Variants in ARMCX4 observed in about 807,000 individuals in gnomAD.
ARMCX4 encodes armadillo repeat-containing X-linked protein 4.
In ARMCX4, 3 loss-of-function variants were observed where a neutral mutation model predicts 34.7. That is an observed-to-expected ratio of 0.09 (90% CI 0.04 to 0.22). The LOEUF (loss-of-function observed/expected upper bound fraction) is 0.22. Ranked by LOEUF, ARMCX4 falls within the 10% of genes least tolerant of loss-of-function variation. The pLI is 1.00. For missense variants in ARMCX4, 1,448 were observed against 1,720.8 expected, an observed-to-expected ratio of 0.84 and a Z score of 2.81; for synonymous variants, 513 against 632.8, an observed-to-expected ratio of 0.81 and a Z score of 2.84.
intron 4 of ARMCX4, among the ~76,000 whole-genome samples, chrX:101,467,357 GC>G (rs1266018763): frequency 9.0e-5 from 10 of 111,577 alleles, no homozygotes; most frequent in Non-Finnish European, 1.9e-4. Context: ...CACCATGTTG[GC>G]CAGGATGGTC....
chrX:101,434,585 G>A (rs1335379500), intron 2 of ARMCX4, among the ~76,000 whole-genome samples: 3 of 111,017 alleles, frequency 2.7e-5, no homozygotes, highest in African/African-American at 9.8e-5. Context: ...AATGAGTATA[G>A]GGTGGGAAGG....
chrX:101,488,547 C>T lies in ARMCX4; in HGVS notation c.-43C>T, dbSNP rs781849757. 680 of 1,154,090 alleles carry T rather than the reference C, an allele frequency of 5.9e-4. No individual in the cohort carries two copies. Among genetic ancestry groups the T allele is most frequent in the Admixed American group, 1.3e-3 (51 of 38,432 alleles). On this transcript the variant is annotated 5_prime_UTR_variant, in exon 6 of 6. Transcript: ENST00000423738. ...CACTCTCTTTACCCCAGCCCGAGTG[C>T]GCTCTACCATACCTTGTTCGTGCTT...
intron 2 of ARMCX4, among the ~76,000 whole-genome samples, chrX:101,441,493 T>C (rs1281366434): frequency 9.0e-6 from 1 of 110,656 alleles, no homozygotes; most frequent in Non-Finnish European, 1.9e-5. Context: ...TGGTCAGCAC[T>C]AGAGGTGTGC....
rs868988931 is a variant in ARMCX4, at chrX:101,487,763, A to G, written c.-203+72A>G. On this transcript the variant is annotated intron_variant, in intron 4 of 5. Transcript: ENST00000423738. ...GGAGACCAGTGTGCATCCAGTAAGGACCAGTGACCAGTCTGGAGGATGAGG... is the reference window on the plus strand; with the variant it reads ...GGAGACCAGTGTGCATCCAGTAAGGGCCAGTGACCAGTCTGGAGGATGAGG... The G allele has an allele frequency of 4.6e-5, 21 of 458,942 alleles. No individual in the cohort carries two copies. The Middle Eastern group carries it at 1.7e-3, about 36-fold the overall frequency. 37.8% of individuals were successfully genotyped at this position (458,942 alleles called of 1,213,427 possible). A position where few individuals can be genotyped will look rare whatever the true frequency, so the allele number is the denominator to read the frequency against.
rs145665613 is a variant in ARMCX4 at position 101,505,600 on chromosome X, G to T, written c.*1596+245G>T. Among the ~76,000 whole-genome samples the T allele has an allele frequency of 8.1e-3, 900 of 111,450 alleles. 11 individuals carry two copies. The highest frequency in any genetic ancestry group is 0.028 in the African/African-American group (853 of 30,684). The stretch of plus-strand genomic sequence containing the variant: ...ATGGAAAAACTGAGGACAGAACACT[G>T]AGGAAGCCTAGTACATGTGGGGCTT... On this transcript the variant is annotated intron_variant and NMD_transcript_variant, in intron 8 of 12. Transcript: ENST00000354842.
intron 2 of ARMCX4, among the ~76,000 whole-genome samples, chrX:101,443,129 T>C (rs1160690585): frequency 0.013 from 367 of 27,992 alleles, 3 homozygotes; most frequent in African/African-American, 0.035. Flanking sequence ...AGACTCCGTC[T>C]CAAAAAAAAA....
At chrX:101,452,784 G>A (rs1335217102), downstream of ARMCX4, among the ~76,000 whole-genome samples, 1 of 109,733 alleles carries the variant, frequency 9.1e-6, no homozygotes, top group Non-Finnish European at 1.9e-5. Context: ...TCAAACTCCT[G>A]ACCTTAAGGG....
chrX:101,467,486 C>T (rs189547583), intron 4 of ARMCX4, among the ~76,000 whole-genome samples: 52 of 112,079 alleles, frequency 4.6e-4, no homozygotes, highest in Middle Eastern at 4.6e-3. Flanking sequence ...GGAAAGAAAC[C>T]ATCAAAGCAT....
At chrX:101,449,784 T>A (rs1199994399), downstream of ARMCX4, among the ~76,000 whole-genome samples, 1 of 111,773 alleles carries the variant, frequency 8.9e-6, no homozygotes, top group East Asian at 2.8e-4. Flanking sequence ...TGTTCATCTG[T>A]GTCTGGGCAT....
intron 4 of ARMCX4, among the ~76,000 whole-genome samples, chrX:101,468,317 GTC>G (rs1464970819): frequency 1.8e-5 from 2 of 110,110 alleles, no homozygotes; most frequent in Non-Finnish European, 3.8e-5. Flanking sequence ...TTGAGACAGG[GTC>G]TCATTCTGTC....
intron 4 of ARMCX4, among the ~76,000 whole-genome samples, chrX:101,456,332 C>CT (rs1277231867): frequency 1.8e-5 from 2 of 110,613 alleles, no homozygotes; most frequent in Non-Finnish European, 3.8e-5. Context: ...ACCTGTTTTT[C>CT]TTTTTTTTGC....
intron 11 of ARMCX4, among the ~76,000 whole-genome samples, chrX:101,515,343 T>TTTTCTTTCTTTCTTTC (rs782364891): frequency 0.047 from 789 of 16,956 alleles, 118 homozygotes; most frequent in Middle Eastern, 0.19. Context: ...TTTCCTTTCC[T>TTTTCTTTCTTTCTTTC]TTTCTTTCTT....
chrX:101,516,391 C>A, intron 11 of ARMCX4: 1 of 111,515 alleles, frequency 9.0e-6, no homozygotes, highest in East Asian at 2.8e-4. Context: ...AAACATTCTT[C>A]AATAAACAAA....
rs782332118 is a variant in ARMCX4, at chrX:101,432,846, ATG to A, written n.165-11202_165-11201del. 3.9e-3 allele frequency among the ~76,000 whole-genome samples: 391 copies of A among 99,251 alleles called. 14 individuals are homozygous for A. Among genetic ancestry groups the A allele is most frequent in the African/African-American group, 0.013 (357 of 27,853 alleles). 86.2% of individuals were successfully genotyped at this position (99,251 alleles called of 115,157 possible). ...TATATACGTGTATATATGTATACATATGTGTATATATACACGTATATATACAC... is the reference window on the plus strand; with the variant it reads ...TATATACGTGTATATATGTATACATATGTATATATACACGTATATATACAC... On this transcript the variant is annotated intron_variant and non_coding_transcript_variant, in intron 2 of 3. Coordinates refer to the ARMCX4 transcript ENST00000430461.
In ARMCX4 at chrX:101,493,629, T is replaced by C; in HGVS notation, c.5040T>C (p.Ser1680=). 8.7e-7 allele frequency: 1 copy of C among 1,152,048 alleles called. No individual in the cohort carries two copies. The highest frequency in any genetic ancestry group is 1.1e-6 in the Non-Finnish European group (1 of 871,638). The allele number at this position is 1,152,048 out of a possible 1,213,427, so 94.9% of individuals were successfully genotyped here. The change falls in exon 6 of 6, where the codon AGT becomes AGC. Residue 1680 remains serine, a synonymous_variant. Transcript: ENST00000423738. ...GSWAGAGSQA[S]GESWAGSRPG... ...GGGCTGGTGCTGGGAGCCAAGCCAG[T>C]GGAGAATCCTGGGCTGGATCTAGGC...
At chrX:101,530,643 TAA>T (rs1935108774) in intron 11 of ARMCX4, among the ~76,000 whole-genome samples, 1 of 112,096 alleles carries the variant, frequency 8.9e-6, no homozygotes, top group Admixed American at 9.4e-5. Context: ...GGAACATCTT[TAA>T]AGTGTTGAAA....
intron 11 of ARMCX4, among the ~76,000 whole-genome samples, chrX:101,525,826 C>G (rs1556020292): frequency 9.0e-6 from 1 of 111,436 alleles, no homozygotes; most frequent in African/African-American, 3.3e-5. Flanking sequence ...ATGAAAAAAG[C>G]CTCAAAGAAA....
intron 11 of ARMCX4, among the ~76,000 whole-genome samples, chrX:101,523,007 C>T (rs1379589566): frequency 8.9e-6 from 1 of 111,938 alleles, no homozygotes; most frequent in Non-Finnish European, 1.9e-5. Context: ...TCTGGGATCA[C>T]ATACAATTCG....
chrX:101,461,000 G>T (rs1556001136), intron 4 of ARMCX4, among the ~76,000 whole-genome samples: 1 of 111,999 alleles, frequency 8.9e-6, no homozygotes, highest in African/African-American at 3.2e-5. Context: ...TGATTTCCCT[G>T]GGTGCTGGCA....
Sources: gnomAD v4.1 joint callset for allele counts (sites outside exome capture counted in the v4.1 genomes callset) on GRCh38, gnomAD v4.1.1 for gene constraint, MANE v1.5 for transcripts, NCBI Gene and HGNC (gene_info 2026-07-23, HGNC 2026-07-21) for gene names.